Variants in DIAPH3 observed in about 807,000 individuals in gnomAD.
DIAPH3 encodes the protein protein diaphanous homolog 3.
A neutral mutation model predicts 144.3 loss-of-function variants in DIAPH3; 117 were observed. That is an observed-to-expected ratio of 0.81 (90% CI 0.70 to 0.95). DIAPH3 has a LOEUF of 0.95. Ranked by LOEUF, DIAPH3 falls within the 40% of genes least tolerant of loss-of-function variation. The pLI is 0.00. For synonymous variants in DIAPH3, 519 were observed against 488.9 expected (o/e 1.06, Z -0.81); for missense variants, 1,421 against 1,412.7 (o/e 1.01, Z -0.09).
At chr13:60,016,265 A>C in intron 5 of DIAPH3, 120 bp from the exon 6 acceptor site, 1 of 876,530 alleles carries the variant, frequency 1.1e-6, no homozygotes, top group Non-Finnish European at 1.8e-6. Flanking sequence ...ACATAAGAAT[A>C]ACACCATATA....
At chr13:59,940,183 T>C (rs2048459924) in intron 17 of DIAPH3, among the ~76,000 whole-genome samples, 1 of 152,082 alleles carries the variant, frequency 6.6e-6, no homozygotes, top group East Asian at 1.9e-4. Flanking sequence ...AACCTTTCGT[T>C]AATGGGAATG....
chr13:59,755,043 C>G (rs560846528), intron 27 of DIAPH3, among the ~76,000 whole-genome samples: 27 of 152,274 alleles, frequency 1.8e-4, no homozygotes, highest in Non-Finnish European at 2.5e-4. Context: ...GACCTATGAA[C>G]TATACGTTCA....
At chr13:60,068,512 A>G (rs538372271) in intron 4 of DIAPH3, among the ~76,000 whole-genome samples, 1 of 151,660 alleles carries the variant, frequency 6.6e-6, no homozygotes, top group Non-Finnish European at 1.5e-5. Context: ...TCCAACATTT[A>G]TTTTAGGTTC....
intron 14 of DIAPH3, among the ~76,000 whole-genome samples, chr13:59,975,023 C>T (rs17057483): frequency 0.073 from 11,070 of 151,598 alleles, 1,353 homozygotes; most frequent in African/African-American, 0.25. Context: ...TAGTGAAATA[C>T]CTTCTGGAAA....
At position 59,916,642 on chromosome 13, in the gene DIAPH3, A is replaced by G. The variant is rs545196628; in HGVS notation, c.2171-393T>C. Among the ~76,000 whole-genome samples the G allele has an allele frequency of 3.3e-5, 5 of 152,280 alleles. No homozygotes were observed. The East Asian group carries it at 7.7e-4, about 23-fold the overall frequency. ...ATGTGCATGTAATATTTGTCTAAGCATATGTATTATTTGCTTGTATCTCTT... is the reference window on the plus strand; with the variant it reads ...ATGTGCATGTAATATTTGTCTAAGCGTATGTATTATTTGCTTGTATCTCTT... On this transcript the variant is annotated intron_variant, in intron 18 of 27. Transcript: ENST00000400324.
chr13:59,767,379 T>C (rs1259189322), intron 27 of DIAPH3, among the ~76,000 whole-genome samples: 1 of 152,152 alleles, frequency 6.6e-6, no homozygotes, highest in Non-Finnish European at 1.5e-5. Context: ...AGAGACAATG[T>C]GTAACAAATC....
chr13:60,082,856 C>T (rs2057608445), intron 4 of DIAPH3, among the ~76,000 whole-genome samples: 1 of 151,954 alleles, frequency 6.6e-6, no homozygotes, highest in South Asian at 2.1e-4. Context: ...AATGTAATGG[C>T]TATATGCTTA....
intron 18 of DIAPH3, among the ~76,000 whole-genome samples, chr13:59,924,223 T>C (rs1356726902): frequency 6.6e-6 from 1 of 152,154 alleles, no homozygotes; most frequent in Admixed American, 6.6e-5. Flanking sequence ...AAGAAGATAA[T>C]TTAATACTGA....
chr13:59,889,813 G>A (rs1445430948), intron 20 of DIAPH3, among the ~76,000 whole-genome samples: 1 of 152,068 alleles, frequency 6.6e-6, no homozygotes, highest in Non-Finnish European at 1.5e-5. Context: ...AACTTTGTTA[G>A]TGTAGCTCTC....
chr13:60,134,574 TGC>T (rs1181620769), intron 1 of DIAPH3, among the ~76,000 whole-genome samples: 1 of 152,246 alleles, frequency 6.6e-6, no homozygotes, highest in African/African-American at 2.4e-5. Flanking sequence ...TGTGCCTTCC[TGC>T]CAGTAGAGGC....
chr13:59,807,991 T>C (rs1466852411), intron 25 of DIAPH3, among the ~76,000 whole-genome samples: 1 of 151,892 alleles, frequency 6.6e-6, no homozygotes, highest in Admixed American at 6.6e-5. Context: ...TCCTTTTATA[T>C]TAAAACCTAT....
At chr13:59,779,917 C>A (rs2038649138) in intron 25 of DIAPH3, among the ~76,000 whole-genome samples, 1 of 152,060 alleles carries the variant, frequency 6.6e-6, no homozygotes, top group Admixed American at 6.6e-5. Context: ...TTGAAATAAA[C>A]CAAAGTGTAA....
Position 59,837,052 on chromosome 13 carries a change from TCTAA to T in DIAPH3, c.2862+2268_2862+2271del, listed in dbSNP as rs148138216. On this transcript the variant is annotated intron_variant, in intron 23 of 27. Coordinates refer to ENST00000400324, the MANE Select transcript of DIAPH3 (RefSeq NM_001042517.2). ...ATTTAATTACTTCGAAACTAGTATG[TCTAA>T]CTAAGATGAAAAGCAAACGAGTGCA... Among the ~76,000 whole-genome samples the T allele has an allele frequency of 2.3e-3, 356 of 152,100 alleles. 2 individuals are homozygous for T. Among genetic ancestry groups the T allele is most frequent in the African/African-American group, 7.6e-3 (314 of 41,542 alleles).
chr13:59,666,166 G>T lies in DIAPH3; in HGVS notation c.*418C>A, dbSNP rs1221273613. On this transcript the variant is annotated 3_prime_UTR_variant, in exon 28 of 28. Transcript: ENST00000400324. ...TAAACAATATATATGGAATATACAT[G>T]GATATGTAAAGACTTGAGGTTGATG... 1 of 170,580 alleles carries T rather than the reference G, an allele frequency of 5.9e-6. No homozygotes were observed. The highest frequency in any genetic ancestry group is 1.2e-5 in the Non-Finnish European group (1 of 80,482). The allele number at this position is 170,580 out of a possible 1,614,324, so 10.6% of individuals were successfully genotyped here. A position where few individuals can be genotyped will look rare whatever the true frequency, so the allele number is the denominator to read the frequency against.
At chr13:59,684,606 A>C (rs1014843281) in intron 27 of DIAPH3, among the ~76,000 whole-genome samples, 1 of 152,202 alleles carries the variant, frequency 6.6e-6, no homozygotes, top group Admixed American at 6.6e-5. Flanking sequence ...TTTGAAAAGT[A>C]CAAATCATAC....
chr13:59,954,098 C>G (rs560169918), intron 17 of DIAPH3, among the ~76,000 whole-genome samples: 23 of 152,234 alleles, frequency 1.5e-4, no homozygotes, highest in African/African-American at 4.6e-4. Context: ...CATGCCTTTC[C>G]CTCCCTCCTG....
intron 27 of DIAPH3, among the ~76,000 whole-genome samples, chr13:59,686,896 G>A (rs1239864258): frequency 6.6e-6 from 1 of 152,022 alleles, no homozygotes; most frequent in Non-Finnish European, 1.5e-5. Flanking sequence ...AACACCAGAA[G>A]CTTTCATGGT....
At chr13:59,811,751 A>G (rs2040488563) in intron 24 of DIAPH3, among the ~76,000 whole-genome samples, 2 of 151,300 alleles carry the variant, frequency 1.3e-5, no homozygotes, top group South Asian at 2.1e-4. Flanking sequence ...AAAAAAAAAA[A>G]AAAAAAGAAA....
intron 4 of DIAPH3, among the ~76,000 whole-genome samples, chr13:60,083,992 TGATAGATAGATAGACAGATAGATAGATA>T (rs1485321842): frequency 7.0e-6 from 1 of 143,598 alleles, no homozygotes; most frequent in African/African-American, 2.6e-5. Flanking sequence ...CACTTTTGAG[TGATAGATAGATAGACAGATAGATAGATA>T]GATAGATAGA....
Sources: gnomAD v4.1 joint callset for allele counts (sites outside exome capture counted in the v4.1 genomes callset) on GRCh38, gnomAD v4.1.1 for gene constraint, MANE v1.5 for transcripts, NCBI Gene and HGNC (gene_info 2026-07-23, HGNC 2026-07-21) for gene names.